The following SORCS1 variants were observed in gnomAD, a reference collection of about 807,000 sequenced individuals.
SORCS1 encodes VPS10 domain-containing receptor SorCS1.
Under a neutral mutation model 146.1 loss-of-function variants are expected in SORCS1, and 60 were observed. The ratio of observed to expected loss-of-function variants is 0.41; its 90% confidence interval spans 0.33 to 0.51. The LOEUF is 0.51. Ranked by LOEUF, SORCS1 falls within the 20% of genes least tolerant of loss-of-function variation. SORCS1 has a pLI of 0.21. For synonymous variants in SORCS1, 637 were observed against 584.0 expected (o/e 1.09, Z -1.31); for missense variants, 1,352 against 1,487.6 (o/e 0.91, Z 1.50).
At chr10:107,079,777 C>T (rs1963183644) in intron 1 of SORCS1, among the ~76,000 whole-genome samples, 1 of 152,108 alleles carries the variant, frequency 6.6e-6, no homozygotes, top group Admixed American at 6.5e-5. Context: ...GTACACACGC[C>T]ACAGAAACAT....
intron 1 of SORCS1, among the ~76,000 whole-genome samples, chr10:107,057,717 G>A (rs965630897): frequency 2.6e-5 from 4 of 152,120 alleles, no homozygotes; most frequent in African/African-American, 7.2e-5. Context: ...GCTGTTGATG[G>A]AAAAAGAACA....
intron 3 of SORCS1, among the ~76,000 whole-genome samples, chr10:106,794,716 G>A (rs929667754): frequency 1.3e-5 from 2 of 152,002 alleles, no homozygotes; most frequent in Non-Finnish European, 2.9e-5. Context: ...TGTTAGCCAG[G>A]ATGGTCTCGA....
At position 106,967,976 on chromosome 10, in the gene SORCS1, A is replaced by G. The variant is rs558218507; in HGVS notation, c.559-11396T>C. Among the ~76,000 whole-genome samples, 9 of 151,694 alleles carry G rather than the reference A, an allele frequency of 5.9e-5. No individual in the cohort carries two copies. In the South Asian group the frequency reaches 1.3e-3, roughly 21 times the overall value. ...TCCCAGCGCTTTGGGAGGCCGAGGC[A>G]GGCGGATCATGAGGTCAGGAAATCG... On this transcript the variant is annotated intron_variant, in intron 1 of 25. Transcript: ENST00000263054.
the SORCS1 span, among the ~76,000 whole-genome samples, chr10:107,180,646 T>C: frequency 2.0e-5 from 3 of 152,200 alleles, no homozygotes; most frequent in Non-Finnish European, 4.4e-5. Context: ...CTTATAATTA[T>C]CATTTGTATA....
intron 1 of SORCS1, among the ~76,000 whole-genome samples, chr10:107,155,413 T>G (rs1969197624): frequency 6.6e-6 from 1 of 152,080 alleles, no homozygotes; most frequent in Non-Finnish European, 1.5e-5. Flanking sequence ...CCCCATCAGG[T>G]CATTCAAAAG....
At chr10:107,130,816 T>C (rs1414235199) in intron 1 of SORCS1, among the ~76,000 whole-genome samples, 3 of 152,116 alleles carry the variant, frequency 2.0e-5, no homozygotes, top group Non-Finnish European at 4.4e-5. Flanking sequence ...ATCTTAACCA[T>C]TTTTCAATGT....
chr10:106,917,515 G>A (rs1233237989), intron 2 of SORCS1, among the ~76,000 whole-genome samples: 2 of 152,150 alleles, frequency 1.3e-5, no homozygotes, highest in African/African-American at 4.8e-5. Flanking sequence ...TTAGGCTGGG[G>A]ATTATTAACC....
chr10:107,130,597 G>C (rs979445213), intron 1 of SORCS1, among the ~76,000 whole-genome samples: 7 of 152,172 alleles, frequency 4.6e-5, no homozygotes, highest in Non-Finnish European at 4.4e-5. Flanking sequence ...GACAGGCAAT[G>C]GATGGGAGCA....
chr10:106,828,661 A>C (rs1324615475), intron 3 of SORCS1, among the ~76,000 whole-genome samples: 1 of 152,194 alleles, frequency 6.6e-6, no homozygotes. Flanking sequence ...AGTTCATGTA[A>C]CCTATGTACT....
At chr10:106,599,012 AAAC>A (rs1432688746) in intron 23 of SORCS1, among the ~76,000 whole-genome samples, 4 of 152,330 alleles carry the variant, frequency 2.6e-5, no homozygotes, top group Admixed American at 6.5e-5. Flanking sequence ...CTGAAAACAA[AAAC>A]AACTTTATTC....
At chr10:106,739,045 A>G (rs530745078) in intron 5 of SORCS1, among the ~76,000 whole-genome samples, 4 of 152,312 alleles carry the variant, frequency 2.6e-5, no homozygotes, top group African/African-American at 9.6e-5. Context: ...CAGACTCACT[A>G]TGGATGATCA....
chr10:106,731,016 T>G (rs1466498168), intron 5 of SORCS1, among the ~76,000 whole-genome samples: 2 of 152,078 alleles, frequency 1.3e-5, no homozygotes, highest in African/African-American at 4.8e-5. Flanking sequence ...ATGTTAAAAC[T>G]ACTTATCCCT....
At chr10:107,058,885 C>G (rs994091664) in intron 1 of SORCS1, among the ~76,000 whole-genome samples, 1 of 152,142 alleles carries the variant, frequency 6.6e-6, no homozygotes, top group Non-Finnish European at 1.5e-5. Flanking sequence ...AAATCTTACT[C>G]TGTTTGAATA....
chr10:106,655,132 G>A (rs1850184918), intron 17 of SORCS1, among the ~76,000 whole-genome samples: 2 of 152,092 alleles, frequency 1.3e-5, no homozygotes, highest in Admixed American at 1.3e-4. Flanking sequence ...GCTGACTAAA[G>A]ACATGAGCCA....
chr10:107,057,285 T>C (rs1590038373), intron 1 of SORCS1, among the ~76,000 whole-genome samples: 2 of 152,208 alleles, frequency 1.3e-5, no homozygotes, highest in South Asian at 4.1e-4. Flanking sequence ...GGGCCATCAT[T>C]ATAAATTCAG....
intron 1 of SORCS1, among the ~76,000 whole-genome samples, chr10:107,097,423 A>G (rs1027754755): frequency 6.6e-6 from 1 of 152,110 alleles, no homozygotes; most frequent in African/African-American, 2.4e-5. Context: ...CCTACTTTCC[A>G]TGTCCACACT....
intron 2 of SORCS1, among the ~76,000 whole-genome samples, chr10:106,919,340 T>C (rs1221933284): frequency 3.3e-5 from 5 of 152,224 alleles, no homozygotes; most frequent in African/African-American, 4.8e-5. Context: ...CAGATCCCAG[T>C]GACTCTTAAA....
chr10:106,989,674 T>C lies in SORCS1; in HGVS notation c.559-33094A>G, dbSNP rs1305930782. On this transcript the variant is annotated intron_variant, in intron 1 of 25. Transcript: ENST00000263054. ...TTATATACTCATATTTTTTCTGTTT[T>C]TTTTTGTTTTTTTTTTTTTTTTTTT... 3.6e-5 allele frequency among the ~76,000 whole-genome samples: 3 copies of C among 82,996 alleles called. No individual in the cohort carries two copies. The East Asian group carries it at 9.2e-4, about 25-fold the overall frequency. 54.4% of individuals were successfully genotyped at this position (82,996 alleles called of 152,430 possible).
intron 3 of SORCS1, among the ~76,000 whole-genome samples, chr10:106,820,297 G>A (rs548384716): frequency 6.6e-6 from 1 of 152,216 alleles, no homozygotes; most frequent in Admixed American, 6.5e-5. Flanking sequence ...TTTCACCTAT[G>A]AGCATCTAAG....
Sources: gnomAD v4.1 joint callset for allele counts (sites outside exome capture counted in the v4.1 genomes callset) on GRCh38, gnomAD v4.1.1 for gene constraint, MANE v1.5 for transcripts, NCBI Gene and HGNC (gene_info 2026-07-23, HGNC 2026-07-21) for gene names.